MTA3: variants seen among roughly 807,000 people sequenced by gnomAD.
MTA3 encodes the protein metastasis associated 1 family member 3.
Under a neutral mutation model 83.5 loss-of-function variants are expected in MTA3, and 34 were observed. The ratio of observed to expected loss-of-function variants is 0.41; its 90% CI spans 0.31 to 0.54. The LOEUF is 0.54. Among genes scored for constraint, MTA3 ranks in the 20% least tolerant of loss-of-function variants. MTA3 has a pLI of 0.33. For synonymous variants in MTA3, 303 were observed against 252.7 expected (o/e 1.20, Z -1.89); for missense variants, 761 against 726.4 (o/e 1.05, Z -0.55).
chr2:42,639,225 G>A (rs910719859), intron 4 of MTA3, among the ~76,000 whole-genome samples: 5 of 151,576 alleles, frequency 3.3e-5, no homozygotes, highest in African/African-American at 9.7e-5. Flanking sequence ...CATACCCCAC[G>A]AATTTCTAGC....
chr2:42,733,058 C>G (rs1228949090), intron 16 of MTA3, among the ~76,000 whole-genome samples: 1 of 152,212 alleles, frequency 6.6e-6, no homozygotes, highest in Non-Finnish European at 1.5e-5. Flanking sequence ...CAACCTGTGC[C>G]TGTCATCCAG....
rs569813976 is a variant in MTA3, at chr2:42,558,986, G to T, written c.-140-11451G>T. ...TAGAGAACCAACCTTTGCTCTCAAT[G>T]TTGGCTTGCCCCAGGGCTCAGGCCT... On this transcript the variant is annotated intron_variant, in intron 2 of 17. Transcript: ENST00000405592. Among the ~76,000 whole-genome samples the T allele has an allele frequency of 2.6e-4, 39 of 152,120 alleles. No individual in the cohort carries two copies. The South Asian group carries it at 5.0e-3, about 19-fold the overall frequency.
At chr2:42,594,728 A>ATATATATATTTT in intron 3 of MTA3, among the ~76,000 whole-genome samples, 7 of 24,040 alleles carry the variant, frequency 2.9e-4, no homozygotes, top group South Asian at 4.1e-3. Flanking sequence ...ATATATATAT[A>ATATATATATTTT]TTTTTTTTTT....
chr2:42,720,041 AT>A (rs1667291385), intron 15 of MTA3, among the ~76,000 whole-genome samples: 1 of 152,164 alleles, frequency 6.6e-6, no homozygotes, highest in South Asian at 2.1e-4. Context: ...TCTTTTAAAA[AT>A]CAAAGTGTAG....
At chr2:42,522,354 G>A (rs1363895669) in intron 2 of MTA3, among the ~76,000 whole-genome samples, 2 of 152,150 alleles carry the variant, frequency 1.3e-5, no homozygotes, top group Non-Finnish European at 2.9e-5. Context: ...AGGGGCAGGT[G>A]AACTGTGGCT....
chr2:42,755,216 A>G lies in MTA3; in HGVS notation c.*1817A>G, dbSNP rs192997916. The G allele has an allele frequency of 2.0e-6, 2 of 985,508 alleles. No individual in the cohort carries two copies. The highest frequency in any genetic ancestry group is 1.2e-4 in the Admixed American group (2 of 16,292). The allele number at this position is 985,508 out of a possible 1,614,324, so 61.0% of individuals were successfully genotyped here. A position where few individuals can be genotyped will look rare whatever the true frequency, so the allele number is the denominator to read the frequency against. ...TACCCTGCTCTGGATTTATTGTCGT[A>G]CTTGGACCCAGAAGGGGAAATGATT... is the stretch of plus-strand genomic sequence containing the variant. On this transcript the variant is annotated 3_prime_UTR_variant, in exon 17 of 17. Transcript: ENST00000405094.
intron 15 of MTA3, among the ~76,000 whole-genome samples, chr2:42,720,634 C>A (rs1275767919): frequency 6.6e-6 from 1 of 152,082 alleles, no homozygotes; most frequent in Non-Finnish European, 1.5e-5. Flanking sequence ...GATGCCCCTT[C>A]CCACCTTGCA....
chr2:42,575,782 G>C (rs1185310261), intron 2 of MTA3, among the ~76,000 whole-genome samples: 2 of 152,072 alleles, frequency 1.3e-5, no homozygotes, highest in East Asian at 3.8e-4. Flanking sequence ...TAAATTATTG[G>C]GTTGCACATC....
At position 42,547,162 on chromosome 2, in the gene MTA3, C is replaced by T. The variant is rs143143166; in HGVS notation, c.-140-23275C>T. Reference sequence around the variant, plus strand: ...AGTCTGGAAGTCTACTGATAAAAATCTCAGCTGAATTAAATGAACAATTCG... The same window carrying T: ...AGTCTGGAAGTCTACTGATAAAAATTTCAGCTGAATTAAATGAACAATTCG... On this transcript the variant is annotated intron_variant, in intron 2 of 17. Transcript: ENST00000405592. Among the ~76,000 whole-genome samples, 254 of 152,282 alleles carry T rather than the reference C, an allele frequency of 1.7e-3. 1 individual carries two copies. The highest frequency in any genetic ancestry group is 2.7e-3 in the Admixed American group (42 of 15,274).
intron 4 of MTA3, among the ~76,000 whole-genome samples, chr2:42,638,490 G>A (rs1687395589): frequency 6.6e-6 from 1 of 151,844 alleles, no homozygotes; most frequent in South Asian, 2.1e-4. Flanking sequence ...CTGGGCTCAA[G>A]CAGTCCCCCA....
intron 4 of MTA3, among the ~76,000 whole-genome samples, chr2:42,612,542 A>G (rs1684351953): frequency 6.6e-6 from 1 of 152,034 alleles, no homozygotes; most frequent in African/African-American, 2.4e-5. Flanking sequence ...AAGACACTAG[A>G]ATATAAAGAT....
chr2:42,637,460 C>G (rs1687307068), intron 4 of MTA3, among the ~76,000 whole-genome samples: 1 of 152,130 alleles, frequency 6.6e-6, no homozygotes, highest in Non-Finnish European at 1.5e-5. Context: ...TTAAAATTTA[C>G]CATGTTTTTA....
chr2:42,645,526 A>AAAACAAAC (rs141409989), intron 6 of MTA3, among the ~76,000 whole-genome samples: 3 of 150,288 alleles, frequency 2.0e-5, no homozygotes, highest in Non-Finnish European at 4.4e-5. Context: ...CTTTGTCTAA[A>AAAACAAAC]AAACAAACAA....
chr2:42,641,635 C>G (rs1263242793), intron 5 of MTA3, among the ~76,000 whole-genome samples: 1 of 151,900 alleles, frequency 6.6e-6, no homozygotes, highest in African/African-American at 2.4e-5. Flanking sequence ...ATCACGAGGT[C>G]AGGAGTTCGA....
intron 2 of MTA3, among the ~76,000 whole-genome samples, chr2:42,520,817 T>C (rs371139503): frequency 7.2e-5 from 11 of 152,082 alleles, no homozygotes; most frequent in Admixed American, 5.9e-4. Flanking sequence ...TCTCCTGCCT[T>C]GTCTTCCCAA....
chr2:42,537,346 C>G (rs1045290337), intron 2 of MTA3, among the ~76,000 whole-genome samples: 2 of 151,912 alleles, frequency 1.3e-5, no homozygotes. Context: ...GGCAGATCAC[C>G]TGAGGTCAGG....
chr2:42,575,903 CAG>C (rs1376706317), intron 2 of MTA3, among the ~76,000 whole-genome samples: 2 of 152,158 alleles, frequency 1.3e-5, no homozygotes, highest in Non-Finnish European at 2.9e-5. Context: ...GTTGTCAGCA[CAG>C]AGTCATCCAT....
At chr2:42,577,701 G>A (rs1252843962) in intron 2 of MTA3, among the ~76,000 whole-genome samples, 1 of 152,072 alleles carries the variant, frequency 6.6e-6, no homozygotes, top group Non-Finnish European at 1.5e-5. Context: ...GGCTGGTCTA[G>A]AACTCCTGAC....
At chr2:42,735,364 T>C (rs1167041967) in intron 16 of MTA3, among the ~76,000 whole-genome samples, 1 of 152,234 alleles carries the variant, frequency 6.6e-6, no homozygotes, top group Non-Finnish European at 1.5e-5. Flanking sequence ...TGATATTTGT[T>C]CCTTTTCTCT....
Sources: gnomAD v4.1 joint callset for allele counts (sites outside exome capture counted in the v4.1 genomes callset) on GRCh38, gnomAD v4.1.1 for gene constraint, MANE v1.5 for transcripts, NCBI Gene and HGNC (gene_info 2026-07-23, HGNC 2026-07-21) for gene names.